NR2C2: variants seen among roughly 807,000 people sequenced by gnomAD.
NR2C2 encodes nuclear receptor subfamily 2 group C member 2.
In NR2C2, 6 loss-of-function variants were observed where a neutral mutation model predicts 62.9. The observed-to-expected ratio is 0.10, with a 90% CI of 0.05 to 0.19. The LOEUF is 0.19. NR2C2 is among the 10% of genes least tolerant of loss of function. The pLI, the probability that NR2C2 is intolerant of heterozygous loss-of-function variation, is 1.00. For missense variants in NR2C2, 479 were observed against 762.7 expected (o/e 0.63, Z 4.38); for synonymous variants, 272 against 273.8 (o/e 0.99, Z 0.07).
chr3:15,045,540 T>C lies in NR2C2; in HGVS notation c.*2532T>C, dbSNP rs2042418881. 6.6e-6 allele frequency: 1 copy of C among 151,334 alleles called. No individual in the cohort carries two copies. Among genetic ancestry groups the C allele is most frequent in the African/African-American group, 2.4e-5 (1 of 41,404 alleles). The allele number at this position is 151,334 out of a possible 1,614,324, so 9.4% of individuals were successfully genotyped here. ...CTCTTGGTTGGTTTCTGAGATCCTC[T>C]TGGCCTTACTTTGAAGTGGCCTTTT... is the stretch of plus-strand genomic sequence containing the variant. On this transcript the variant is annotated 3_prime_UTR_variant, in exon 14 of 14. Transcript: ENST00000425241.
intron 1 of NR2C2, among the ~76,000 whole-genome samples, chr3:15,002,645 CTTTTTTTTTTTTTT>C (rs371981775): frequency 1.8e-4 from 7 of 39,510 alleles, no homozygotes; most frequent in East Asian, 1.2e-3. Flanking sequence ...TCACAATATA[CTTTTTTTTTTTTTT>C]TTTTTTTTTT....
chr3:14,999,093 GA>G (rs1160132691), intron 1 of NR2C2, among the ~76,000 whole-genome samples: 7 of 152,196 alleles, frequency 4.6e-5, no homozygotes, highest in Non-Finnish European at 8.8e-5. Flanking sequence ...CAGGCGGGTG[GA>G]TCACCTGAGG....
Position 15,016,140 on chromosome 3 carries a change from G to C in NR2C2, c.274-12G>C. On this transcript the variant is annotated splice_polypyrimidine_tract_variant and intron_variant, in intron 3 of 13. Transcript: ENST00000425241. ...TAATTGGCACCCCTGTTCGTTTCCT[G>C]ATTTCTCTCAGATTGTCACGGATTC... 9 of 1,609,620 alleles carry C rather than the reference G, an allele frequency of 5.6e-6. No individual in the cohort carries two copies. Among genetic ancestry groups the C allele is most frequent in the Non-Finnish European group, 7.7e-6 (9 of 1,176,122 alleles).
chr3:15,012,787 AAG>A (rs2041392400), intron 2 of NR2C2, among the ~76,000 whole-genome samples: 1 of 152,172 alleles, frequency 6.6e-6, no homozygotes. Flanking sequence ...GAGCAAGAAT[AAG>A]AGAGTTCATT....
intron 1 of NR2C2, among the ~76,000 whole-genome samples, chr3:14,980,028 C>T (rs545028720): frequency 6.6e-6 from 1 of 151,974 alleles, no homozygotes; most frequent in Non-Finnish European, 1.5e-5. Flanking sequence ...AAAACCATTG[C>T]CACCCGTAGT....
At chr3:14,949,632 G>A (rs920782614) in intron 1 of NR2C2, among the ~76,000 whole-genome samples, 1 of 152,158 alleles carries the variant, frequency 6.6e-6, no homozygotes, top group Non-Finnish European at 1.5e-5. Context: ...CAAATCCTTC[G>A]TCAGCCTCTT....
At chr3:14,975,897 G>T (rs1321182537) in intron 1 of NR2C2, among the ~76,000 whole-genome samples, 1 of 151,722 alleles carries the variant, frequency 6.6e-6, no homozygotes, top group African/African-American at 2.4e-5. Flanking sequence ...CTGGTTATAG[G>T]TCTATTTGGA....
chr3:14,982,319 C>T (rs2040394031), intron 1 of NR2C2, among the ~76,000 whole-genome samples: 1 of 152,158 alleles, frequency 6.6e-6, no homozygotes, highest in Admixed American at 6.5e-5. Flanking sequence ...AGTTGTGAGC[C>T]ACTGTGCCCA....
intron 13 of NR2C2, among the ~76,000 whole-genome samples, chr3:15,041,880 C>T (rs1184287361): frequency 6.6e-6 from 1 of 152,152 alleles, no homozygotes; most frequent in Non-Finnish European, 1.5e-5. Flanking sequence ...CAAAAAAGCA[C>T]TGTCCAGATA....
Position 15,047,458 on chromosome 3 carries a change from C to T in NR2C2, c.*4450C>T, listed in dbSNP as rs186706035. 2.1e-4 allele frequency: 32 copies of T among 152,354 alleles called. No homozygotes were observed. Among genetic ancestry groups the T allele is most frequent in the African/African-American group, 7.5e-4 (31 of 41,576 alleles). 9.4% of individuals were successfully genotyped at this position (152,354 alleles called of 1,614,324 possible). On this transcript the variant is annotated 3_prime_UTR_variant, in exon 14 of 14. Coordinates refer to ENST00000425241, the MANE Select transcript of NR2C2 (RefSeq NM_001291694.2). ...TTTTTAACCTTTTCATGCACCTATT[C>T]ATGGCCCTACCTGGAAGGAACTTGG...
chr3:15,021,469 A>T (rs910080479), intron 5 of NR2C2, among the ~76,000 whole-genome samples: 7 of 152,168 alleles, frequency 4.6e-5, no homozygotes, highest in African/African-American at 1.7e-4. Context: ...GCAGCCAGGG[A>T]AGGTCTCAGG....
intron 1 of NR2C2, among the ~76,000 whole-genome samples, chr3:14,963,253 G>A (rs2039739933): frequency 6.6e-6 from 1 of 152,168 alleles, no homozygotes; most frequent in African/African-American, 2.4e-5. Flanking sequence ...CCCTATGCAA[G>A]GGCTTTAATC....
chr3:15,009,844 C>T (rs1442650269), intron 2 of NR2C2, among the ~76,000 whole-genome samples: 6 of 152,270 alleles, frequency 3.9e-5, no homozygotes, highest in Admixed American at 3.3e-4. Context: ...AGTGTCCTTC[C>T]TTGCCTCTTC....
At chr3:15,006,463 T>C (rs1303587355) in intron 2 of NR2C2, among the ~76,000 whole-genome samples, 1 of 152,158 alleles carries the variant, frequency 6.6e-6, no homozygotes, top group Non-Finnish European at 1.5e-5. Context: ...TATAGGAAAT[T>C]GTGTATATGT....
chr3:14,968,126 A>T (rs966943718), intron 1 of NR2C2, among the ~76,000 whole-genome samples: 7 of 152,264 alleles, frequency 4.6e-5, no homozygotes, highest in Admixed American at 2.6e-4. Context: ...ACCAAAGCCA[A>T]AATTGAGAAA....
At position 15,013,769 on chromosome 3, in the gene NR2C2, C is replaced by T. The variant is rs779457286; in HGVS notation, c.253C>T (p.Leu85Phe). Residue 85 changes from leucine (L) to phenylalanine (F), a missense_variant, in exon 3 of 14, where the codon CTC becomes TTC. Leu to Phe is a conservative substitution (Grantham distance 22, BLOSUM62 0). Transcript: ENST00000425241. The part of the protein sequence containing the change: ...KQLIFTTSDN[L>F]VPGRIQIVTD... Reference sequence around the variant, plus strand: ...ACTCATATTCACCACCTCAGACAACCTCGTCCCTGGCAGGATCCAGGTAAG... The same window carrying T: ...ACTCATATTCACCACCTCAGACAACTTCGTCCCTGGCAGGATCCAGGTAAG... 1.9e-6 allele frequency: 3 copies of T among 1,614,216 alleles called. No individual in the cohort carries two copies. The South Asian group carries it at 3.3e-5, about 18-fold the overall frequency.
intron 2 of NR2C2, among the ~76,000 whole-genome samples, chr3:15,008,590 A>C (rs13084234): frequency 4.6e-5 from 7 of 151,926 alleles, no homozygotes; most frequent in Admixed American, 4.6e-4. Context: ...TTTTGCCTGC[A>C]GGCCATTCAT....
intron 2 of NR2C2, among the ~76,000 whole-genome samples, chr3:15,007,336 A>C (rs1421282185): frequency 6.6e-6 from 1 of 150,584 alleles, no homozygotes; most frequent in Non-Finnish European, 1.5e-5. Flanking sequence ...ACCATGTTAG[A>C]CAGGATGGTC....
chr3:14,973,463 G>C (rs1252919530), intron 1 of NR2C2, among the ~76,000 whole-genome samples: 1 of 152,026 alleles, frequency 6.6e-6, no homozygotes, highest in Non-Finnish European at 1.5e-5. Flanking sequence ...TGAACTCCTG[G>C]GCTCAAGCAG....
Sources: allele counts gnomAD v4.1 joint callset (sites outside exome capture counted in the v4.1 genomes callset), GRCh38; gene constraint gnomAD v4.1.1; transcripts MANE v1.5; gene names NCBI Gene and HGNC (gene_info 2026-07-23, HGNC 2026-07-21).